Variants in PRR14L observed in about 807,000 individuals in gnomAD.
PRR14L encodes protein PRR14L.
PRR14L carries 80 observed loss-of-function variants against 155.0 expected under a neutral mutation model. The ratio of observed to expected loss-of-function variants is 0.52; its 90% confidence interval spans 0.43 to 0.62. The LOEUF is 0.62. Among genes scored for constraint, PRR14L ranks in the 20% least tolerant of loss-of-function variants. The probability of loss-of-function intolerance (pLI) is 0.00; values close to 1 mark genes in which losing one functional copy is unlikely to be tolerated. For synonymous variants in PRR14L, 883 were observed against 916.0 expected (o/e 0.96, Z 0.65); for missense variants, 2,469 against 2,548.0 (o/e 0.97, Z 0.67).
Position 31,714,327 on chromosome 22 carries a change from C to T in PRR14L, c.3512G>A (p.Arg1171Lys). The T allele has an allele frequency of 6.4e-7, 1 of 1,551,652 alleles. No homozygotes were observed. The highest frequency in any genetic ancestry group is 8.7e-7 in the Non-Finnish European group (1 of 1,146,940). Reference protein sequence around the residue: ...DHEPNKRILGRVNLSLNDSHY... With the variant: ...DHEPNKRILGKVNLSLNDSHY... ...GCTATCATTTAAAGACAAATTTACT[C>T]TGCCCAATATTCTTTTATTTGGTTC... Residue 1171 changes from arginine (R) to lysine (K), a missense_variant, in exon 4 of 9, where the codon AGA (arginine) becomes AAA (lysine). Physicochemically the swap from Arg to Lys is conservative, Grantham distance 26. This residue lies in a region of PRR14L where 2,363 missense variants were observed against 2,371.6 expected (regional missense o/e 1.00). Coordinates refer to ENST00000327423, the MANE Select transcript of PRR14L (RefSeq NM_173566.3).
At chr22:31,698,868 G>A (rs973120703) in intron 7 of PRR14L, among the ~76,000 whole-genome samples, 3 of 150,944 alleles carry the variant, frequency 2.0e-5, no homozygotes, top group African/African-American at 4.9e-5. Context: ...CTTGCAGTGA[G>A]CCGAGATCGT....
In PRR14L at chr22:31,683,317, T is replaced by C. The variant is rs3804087; in HGVS notation, c.*2210A>G. 46,487 of 152,142 alleles carry C rather than the reference T, an allele frequency of 0.31. 8,313 individuals are homozygous for C. The highest frequency in any genetic ancestry group is 0.51 in the African/African-American group (20,967 of 41,458). 9.4% of individuals were successfully genotyped at this position (152,142 alleles called of 1,614,324 possible). A position where few individuals can be genotyped will look rare whatever the true frequency, so the allele number is the denominator to read the frequency against. Reference sequence around the variant, plus strand: ...CATAGCCGCCACATCACTGCATCTATACTGGCAACAGAGCTGGCAAACAGG... The same window carrying C: ...CATAGCCGCCACATCACTGCATCTACACTGGCAACAGAGCTGGCAAACAGG... On this transcript the variant is annotated 3_prime_UTR_variant, in exon 9 of 9. Transcript: ENST00000327423.
At chr22:31,728,488 C>T (rs2147871168) in intron 2 of PRR14L, among the ~76,000 whole-genome samples, 1 of 151,998 alleles carries the variant, frequency 6.6e-6, no homozygotes, top group Admixed American at 6.6e-5. Flanking sequence ...TGGCGGGTGC[C>T]TGTAATCCCA....
intron 1 of PRR14L, among the ~76,000 whole-genome samples, chr22:31,741,992 T>A (rs909773986): frequency 2.6e-5 from 4 of 152,080 alleles, no homozygotes; most frequent in Non-Finnish European, 5.9e-5. Context: ...TTTATGTATG[T>A]GTAAGGTGGG....
At position 31,716,510 on chromosome 22, in the gene PRR14L, G is replaced by A. The variant is rs2074660959; in HGVS notation, c.1329C>T (p.His443=). The A allele has an allele frequency of 6.5e-7, 1 of 1,546,846 alleles. No homozygotes were observed. Among genetic ancestry groups the A allele is most frequent in the African/African-American group, 1.4e-5 (1 of 72,656 alleles). Residue 443 remains histidine, a synonymous_variant, in exon 4 of 9, where the codon CAC becomes CAT. Coordinates refer to ENST00000327423, the MANE Select transcript of PRR14L (RefSeq NM_173566.3). The stretch of plus-strand genomic sequence containing the variant: ...GGAGACTGTCTTGAATGCAGTTATT[G>A]TGGATATTTTCCTTTGGAGAAACAA... ...EPVVSPKENI[H]NNCIQDSLHT...
intron 7 of PRR14L, among the ~76,000 whole-genome samples, chr22:31,690,064 G>C (rs906119096): frequency 2.0e-5 from 3 of 152,086 alleles, no homozygotes; most frequent in Admixed American, 1.3e-4. Flanking sequence ...CTACGGGTGC[G>C]TGTCACCACA....
At chr22:31,693,068 G>A (rs973501297) in intron 7 of PRR14L, among the ~76,000 whole-genome samples, 7 of 152,120 alleles carry the variant, frequency 4.6e-5, no homozygotes, top group African/African-American at 7.2e-5. Flanking sequence ...GTGTACAACT[G>A]TTGTACAATG....
intron 7 of PRR14L, 32 bp from the exon 8 acceptor site, chr22:31,688,259 G>C (rs993390144): frequency 2.6e-6 from 4 of 1,536,112 alleles, no homozygotes; most frequent in African/African-American, 2.8e-5. Context: ...AATTCTTCAG[G>C]TTCTCTCTCT....
chr22:31,728,168 T>G (rs957831765), intron 2 of PRR14L, among the ~76,000 whole-genome samples: 6 of 152,074 alleles, frequency 3.9e-5, no homozygotes, highest in African/African-American at 1.4e-4. Context: ...TTGGATGCAA[T>G]GGACATGTAA....
In PRR14L at chr22:31,731,264, T is replaced by C. The variant is rs964016652; in HGVS notation, c.475-5654A>G. On this transcript the variant is annotated intron_variant, in intron 2 of 8. Coordinates refer to ENST00000327423, the MANE Select transcript of PRR14L (RefSeq NM_173566.3). ...AAGTATTTCCATTTCTATGTGTATA[T>C]ATTAAGAACCCCATGTTAGGCTGGG... 1.3e-5 allele frequency among the ~76,000 whole-genome samples: 2 copies of C among 152,090 alleles called. 1 individual carries two copies. The highest frequency in any genetic ancestry group is 1.3e-4 in the Admixed American group (2 of 15,244).
In PRR14L at chr22:31,705,546, G is replaced by C. The variant is rs2074586243; in HGVS notation, c.5757-820C>G. 2.0e-5 allele frequency among the ~76,000 whole-genome samples: 3 copies of C among 151,888 alleles called. No homozygotes were observed. The South Asian group carries it at 6.3e-4, about 32-fold the overall frequency. On this transcript the variant is annotated intron_variant, in intron 4 of 8. Transcript: ENST00000327423. The stretch of plus-strand genomic sequence containing the variant: ...GTGCCATCATGCCCGGGTAATTTTT[G>C]TATTTTTAGTAGAGATGGGGTTTCA...
intron 4 of PRR14L, among the ~76,000 whole-genome samples, chr22:31,705,758 G>A (rs1185674247): frequency 6.6e-6 from 1 of 151,444 alleles, no homozygotes; most frequent in African/African-American, 2.4e-5. Flanking sequence ...CCAGCACTTT[G>A]GGAGGCTGAG....
At chr22:31,733,300 T>G (rs1982147223) in intron 2 of PRR14L, among the ~76,000 whole-genome samples, 1 of 24,978 alleles carries the variant, frequency 4.0e-5, no homozygotes, top group Non-Finnish European at 7.9e-5. Flanking sequence ...TGGCCACTGT[T>G]TTTTTTTTTT....
chr22:31,742,602 A>G (rs2074818500), intron 1 of PRR14L, among the ~76,000 whole-genome samples: 1 of 152,004 alleles, frequency 6.6e-6, no homozygotes, highest in African/African-American at 2.4e-5. Flanking sequence ...CCTGACCTCA[A>G]GTAATCCGCC....
intron 8 of PRR14L, 69 bp downstream of exon 8, chr22:31,688,087 G>A: frequency 7.4e-7 from 1 of 1,356,728 alleles, no homozygotes; most frequent in Admixed American, 2.3e-5. Context: ...TTTCTAAAGT[G>A]AAAGGGCTGG....
At chr22:31,733,911 C>A (rs1376803719) in intron 2 of PRR14L, among the ~76,000 whole-genome samples, 1 of 151,910 alleles carries the variant, frequency 6.6e-6, no homozygotes, top group Non-Finnish European at 1.5e-5. Context: ...CCACCACACA[C>A]ACACACACAC....
intron 2 of PRR14L, among the ~76,000 whole-genome samples, chr22:31,732,988 C>CTT (rs131247): frequency 2.1e-5 from 3 of 140,786 alleles, no homozygotes; most frequent in African/African-American, 5.2e-5. Context: ...AGAAGTGTAT[C>CTT]TTTTTTTTTT....
Position 31,716,999 on chromosome 22 carries a change from C to A in PRR14L, c.840G>T (p.Trp280Cys), listed in dbSNP as rs1409722634. 6.4e-7 allele frequency: 1 copy of A among 1,551,680 alleles called. No homozygotes were observed. The highest frequency in any genetic ancestry group is 8.7e-7 in the Non-Finnish European group (1 of 1,146,932). Residue 280 changes from tryptophan to cysteine, a missense_variant, in exon 4 of 9, where the codon TGG becomes TGT. Around this residue, in one of 2 missense-constraint regions of PRR14L, gnomAD observed 2,363 missense variants for 2,371.6 expected, o/e 1.00. Transcript: ENST00000327423. The stretch of plus-strand genomic sequence containing the variant: ...TGGCACTGTTTCCTGGTAATGACAA[C>A]CAAGGACAACTTTTTAATTCTTCAC... ...KECEELKSCP[W>C]LSLPGNSAIS... is the part of the protein sequence containing the mutation.
intron 1 of PRR14L, among the ~76,000 whole-genome samples, chr22:31,746,333 TTTTTATCAGTATG>T (rs1326550960): frequency 6.6e-6 from 1 of 152,234 alleles, no homozygotes; most frequent in Non-Finnish European, 1.5e-5. Flanking sequence ...TTTTCAGTAT[TTTTTATCAGTATG>T]TTTTATCAGT....
Sources: gnomAD v4.1 joint callset for allele counts (sites outside exome capture counted in the v4.1 genomes callset) on GRCh38, gnomAD v4.1.1 for gene constraint, gnomAD v4.1.1 regional missense constraint, MANE v1.5 for transcripts, NCBI Gene and HGNC (gene_info 2026-07-23, HGNC 2026-07-21) for gene names.